SEPSECS: variants seen among roughly 807,000 people sequenced by gnomAD.
SEPSECS encodes the protein Sep (O-phosphoserine) tRNA:Sec (selenocysteine) tRNA synthase, also known as O-phosphoseryl-tRNA(Sec) selenium transferase.
Under a neutral mutation model 52.1 loss-of-function variants are expected in SEPSECS, and 42 were observed. The observed-to-expected ratio is 0.81, with a 90% CI of 0.63 to 1.04. SEPSECS has a LOEUF of 1.04. Among genes scored for constraint, SEPSECS ranks in the 50% least tolerant of loss-of-function variants. SEPSECS has a pLI of 0.00. For missense variants in SEPSECS, 590 were observed against 610.6 expected, an observed-to-expected ratio of 0.97 and a Z score of 0.36; for synonymous variants, 216 against 211.4, an observed-to-expected ratio of 1.02 and a Z score of -0.19.
In SEPSECS at chr4:25,123,941, G is replaced by A. The variant is rs41267445; in HGVS notation, c.1496C>T (p.Ala499Val). 82 of 1,613,054 alleles carry A rather than the reference G, an allele frequency of 5.1e-5. No homozygotes were observed. Among genetic ancestry groups the A allele is most frequent in the Non-Finnish European group, 6.3e-5 (74 of 1,179,112 alleles). Residue 499 changes from alanine (A) to valine (V), a missense_variant, in exon 11 of 11, where the codon GCT (alanine) becomes GTT (valine). By Grantham distance (64) the Ala-to-Val change is moderately conservative. Coordinates refer to ENST00000382103, the MANE Select transcript of SEPSECS (RefSeq NM_016955.4). Reference protein sequence around the residue: ...DNVLLDTYQDASS With the variant: ...DNVLLDTYQDVSS Reference sequence around the variant, plus strand: ...GAAACCCTTCGCATGTCATGAAGAAGCATCCTGGTATGTGTCAAGAAGTAC... The same window carrying A: ...GAAACCCTTCGCATGTCATGAAGAAACATCCTGGTATGTGTCAAGAAGTAC...
chr4:25,130,835 C>G (rs958239533), intron 8 of SEPSECS, among the ~76,000 whole-genome samples: 1 of 152,086 alleles, frequency 6.6e-6, no homozygotes, highest in Non-Finnish European at 1.5e-5. Flanking sequence ...TACTACCGAA[C>G]CTGTACTATT....
intron 8 of SEPSECS, among the ~76,000 whole-genome samples, chr4:25,143,892 G>A (rs1711774465): frequency 6.6e-6 from 1 of 152,204 alleles, no homozygotes; most frequent in Non-Finnish European, 1.5e-5. Flanking sequence ...CCAGATAGAA[G>A]ATGAATAAAA....
At chr4:25,142,472 GCTC>G (rs1053230919) in intron 8 of SEPSECS, among the ~76,000 whole-genome samples, 1 of 152,182 alleles carries the variant, frequency 6.6e-6, no homozygotes, top group Non-Finnish European at 1.5e-5. Context: ...GGCAATGTGT[GCTC>G]CTCAAGAGCA....
chr4:25,160,221 C>T lies in SEPSECS; in HGVS notation c.114+35G>A, dbSNP rs755632664. ...CCCGGCGGAGCCAGAGCCCCGGGGT[C>T]GCGGCGGCTGGGGAGGGGACCGACA... is the stretch of plus-strand genomic sequence containing the variant. On this transcript the variant is annotated intron_variant, in intron 1 of 10. Transcript: ENST00000382103. 11 of 1,548,078 alleles carry T rather than the reference C, an allele frequency of 7.1e-6. No homozygotes were observed. In the Admixed American group the frequency reaches 1.8e-4, roughly 25 times the overall value.
Position 25,124,279 on chromosome 4 carries a change from T to G in SEPSECS, c.1212-54A>C, listed in dbSNP as rs1035200187. 2.6e-6 allele frequency: 4 copies of G among 1,530,354 alleles called. No homozygotes were observed. In the African/African-American group the frequency reaches 4.1e-5, roughly 16 times the overall value. 94.8% of individuals were successfully genotyped at this position (1,530,354 alleles called of 1,614,324 possible). A position where few individuals can be genotyped will look rare whatever the true frequency, so the allele number is the denominator to read the frequency against. On this transcript the variant is annotated intron_variant, in intron 10 of 10. Coordinates refer to ENST00000382103, the MANE Select transcript of SEPSECS (RefSeq NM_016955.4). ...TATGTCTGGTAATGGTAACACAATG[T>G]CACCCATAAACAAAAGATATGTGTT...
intron 8 of SEPSECS, among the ~76,000 whole-genome samples, chr4:25,132,833 G>A (rs897330535): frequency 5.3e-5 from 8 of 152,088 alleles, no homozygotes; most frequent in African/African-American, 1.4e-4. Context: ...CCTCAACAAC[G>A]GATGAGTGAC....
chr4:25,128,768 A>G (rs969725167), intron 8 of SEPSECS, among the ~76,000 whole-genome samples: 3 of 152,042 alleles, frequency 2.0e-5, no homozygotes, highest in African/African-American at 7.2e-5. Flanking sequence ...AACTCTAAGG[A>G]TACAACAAAC....
intron 7 of SEPSECS, 68 bp downstream of exon 7, chr4:25,144,936 A>T: frequency 1.3e-6 from 2 of 1,599,144 alleles, no homozygotes; most frequent in Non-Finnish European, 1.7e-6. Flanking sequence ...GATTTACTAC[A>T]ATAGCCTATG....
chr4:25,125,836 C>G (rs1473435390), intron 9 of SEPSECS, 52 bp from the exon 10 acceptor site: 18 of 1,093,184 alleles, frequency 1.6e-5, no homozygotes, highest in Non-Finnish European at 2.2e-5. Flanking sequence ...GCATAAAAAT[C>G]ACTCAAATAA....
intron 10 of SEPSECS, chr4:25,125,403 A>C: frequency 3.0e-6 from 1 of 338,674 alleles, no homozygotes; most frequent in Non-Finnish European, 5.4e-6. Context: ...AGATCATCTA[A>C]CAAAGGAAAT....
At chr4:25,134,320 A>ATATG in intron 8 of SEPSECS, among the ~76,000 whole-genome samples, 1 of 145,104 alleles carries the variant, frequency 6.9e-6, no homozygotes, top group South Asian at 2.2e-4. Flanking sequence ...ATCTTTAAAA[A>ATATG]TGTGTGTGTG....
Position 25,136,308 on chromosome 4 carries a change from T to C in SEPSECS, c.1026+8466A>G, listed in dbSNP as rs148291268. On this transcript the variant is annotated intron_variant, in intron 8 of 10. Coordinates refer to ENST00000382103, the MANE Select transcript of SEPSECS (RefSeq NM_016955.4). ...ATGATACTGTAGCTAGAAAACCCCA[T>C]TGTCTCAGCCCAAAAGTTTCTTAAG... Among the ~76,000 whole-genome samples the C allele has an allele frequency of 1.1e-4, 17 of 152,252 alleles. No homozygotes were observed. The East Asian group carries it at 2.3e-3, about 21-fold the overall frequency.
At chr4:25,147,157 T>C (rs1257419078) in intron 6 of SEPSECS, among the ~76,000 whole-genome samples, 2 of 152,220 alleles carry the variant, frequency 1.3e-5, no homozygotes, top group African/African-American at 2.4e-5. Flanking sequence ...GCTGCAAAGC[T>C]TCCTCCTGCA....
At chr4:25,154,874 A>G in intron 5 of SEPSECS, 124 bp downstream of exon 5, 1 of 1,007,194 alleles carries the variant, frequency 9.9e-7, no homozygotes, top group Non-Finnish European at 1.5e-6. Flanking sequence ...AGGTCAATCT[A>G]TTCTCTTAGA....
chr4:25,125,531 T>C, intron 10 of SEPSECS, 163 bp downstream of exon 10: 2 of 660,340 alleles, frequency 3.0e-6, no homozygotes, highest in East Asian at 2.7e-5. Flanking sequence ...CAGGTGGGCA[T>C]ACAGTAGCCT....
chr4:25,136,596 T>C (rs933436273), intron 8 of SEPSECS, among the ~76,000 whole-genome samples: 2 of 152,108 alleles, frequency 1.3e-5, no homozygotes, highest in African/African-American at 4.8e-5. Context: ...CATTCCATAT[T>C]ATGGATAGGA....
chr4:25,134,499 CAAGT>C (rs1728751798), intron 8 of SEPSECS, among the ~76,000 whole-genome samples: 1 of 151,998 alleles, frequency 6.6e-6, no homozygotes, highest in Admixed American at 6.6e-5. Context: ...TACTATATAT[CAAGT>C]AAGGGATGCT....
At chr4:25,156,527 A>AC (rs1346587930) in intron 3 of SEPSECS, among the ~76,000 whole-genome samples, 3 of 150,844 alleles carry the variant, frequency 2.0e-5, no homozygotes, top group East Asian at 3.9e-4. Flanking sequence ...ACACGGTGAG[A>AC]CCCCCGTCTC....
chr4:25,151,856 T>A (rs1009162557), intron 6 of SEPSECS, 104 bp downstream of exon 6: 1 of 728,968 alleles, frequency 1.4e-6, no homozygotes, highest in Admixed American at 2.0e-5. Context: ...CAGATGGTCA[T>A]AAATAACTGT....
Sources: allele counts gnomAD v4.1 joint callset (sites outside exome capture counted in the v4.1 genomes callset), GRCh38; gene constraint gnomAD v4.1.1; transcripts MANE v1.5; gene names NCBI Gene and HGNC (gene_info 2026-07-23, HGNC 2026-07-21).